PCDHA4: variants seen among roughly 807,000 people sequenced by gnomAD.
The protein encoded by PCDHA4 is protocadherin alpha-4.
Under a neutral mutation model 61.4 loss-of-function variants are expected in PCDHA4, and 49 were observed. That is an observed-to-expected ratio of 0.80 (90% CI 0.63 to 1.01). The LOEUF is 1.01. PCDHA4 is among the 50% of genes least tolerant of loss of function. PCDHA4 has a pLI of 0.00. For synonymous variants in PCDHA4, 590 were observed against 550.3 expected (o/e 1.07, Z -1.01); for missense variants, 1,254 against 1,235.8 (o/e 1.01, Z -0.22).
intron 1 of PCDHA4, chr5:140,875,549 T>G: frequency 1.2e-6 from 2 of 1,613,916 alleles, no homozygotes; most frequent in Non-Finnish European, 1.7e-6. Flanking sequence ...GCCTGGGAGG[T>G]GGGGAGCGGC....
intron 1 of PCDHA4, chr5:140,812,676 C>G (rs782182671): frequency 6.6e-6 from 1 of 152,162 alleles, no homozygotes; most frequent in Non-Finnish European, 1.5e-5. Context: ...TACAGAGGCA[C>G]GATCATAGCT....
chr5:140,933,494 T>C (rs901456699), intron 1 of PCDHA4, among the ~76,000 whole-genome samples: 3 of 152,110 alleles, frequency 2.0e-5, no homozygotes, highest in Non-Finnish European at 4.4e-5. Context: ...TTCTTTAGAA[T>C]TGTTAAGCAA....
intron 3 of PCDHA4, among the ~76,000 whole-genome samples, chr5:141,000,900 G>A (rs1020896392): frequency 6.6e-6 from 1 of 151,614 alleles, no homozygotes; most frequent in African/African-American, 2.4e-5. Flanking sequence ...AGATATAGAC[G>A]CTGTCTCTAA....
At chr5:140,882,424 G>C in intron 1 of PCDHA4, 1 of 1,614,114 alleles carries the variant, frequency 6.2e-7, no homozygotes, top group Non-Finnish European at 8.5e-7. Context: ...CTCAGGACCT[G>C]GGGCTGGAGC....
At chr5:140,884,357 A>G (rs1562803365) in intron 1 of PCDHA4, 1 of 1,613,864 alleles carries the variant, frequency 6.2e-7, no homozygotes, top group Non-Finnish European at 8.5e-7. Flanking sequence ...GGTGGATGTC[A>G]ATGTTTACTT....
At position 140,876,440 on chromosome 5, in the gene PCDHA4, T is replaced by C. The variant is rs369023443; in HGVS notation, c.2385+66868T>C. 23 of 1,613,876 alleles carry C rather than the reference T, an allele frequency of 1.4e-5. No individual in the cohort carries two copies. In the Admixed American group the frequency reaches 1.5e-4, roughly 11 times the overall value. On this transcript the variant is annotated intron_variant, in intron 1 of 3. Transcript: ENST00000530339. ...GCCTATGAAATTCAGGTTAACGCCA[T>C]TGATAAAGGGATTCCTTCCATGGCA...
In PCDHA4 at chr5:140,808,804, T is replaced by G; in HGVS notation, c.1617T>G (p.Asp539Glu). ...TGCAGTTTCAGGTGACCGCTCGCGA[T>G]GCCGGCGTGCCACCTCTGGGCAGCA... ...ELLQFQVTAR[D>E]AGVPPLGSNV... The change falls in exon 1 of 4, where the codon GAT becomes GAG. Residue 539 changes from aspartate to glutamate, a missense_variant. Physicochemically the swap from Asp to Glu is conservative, Grantham distance 45 (BLOSUM62 2). Transcript: ENST00000530339. 1 of 1,612,690 alleles carries G rather than the reference T, an allele frequency of 6.2e-7. No homozygotes were observed. The highest frequency in any genetic ancestry group is 1.3e-5 in the African/African-American group (1 of 75,030).
At chr5:140,898,573 T>C (rs1161265188) in intron 1 of PCDHA4, among the ~76,000 whole-genome samples, 3 of 152,250 alleles carry the variant, frequency 2.0e-5, no homozygotes, top group Non-Finnish European at 4.4e-5. Flanking sequence ...ACCAGTGCCA[T>C]GCTGTTTTGG....
intron 1 of PCDHA4, chr5:140,862,425 A>T: frequency 2.8e-6 from 1 of 353,460 alleles, no homozygotes; most frequent in Non-Finnish European, 5.6e-6. Context: ...GCTGCCCAGA[A>T]ACTATTCGTT....
intron 1 of PCDHA4, chr5:140,836,956 T>C (rs1363599144): frequency 2.4e-6 from 1 of 416,414 alleles, no homozygotes; most frequent in Non-Finnish European, 4.2e-6. Flanking sequence ...CTATGGTTTA[T>C]GTTGGCTACT....
rs782027925 is a variant in PCDHA4, at chr5:140,877,333, C to G, written c.2385+67761C>G. The G allele has an allele frequency of 2.5e-6, 4 of 1,613,992 alleles. No individual in the cohort carries two copies. The South Asian group carries it at 3.3e-5, about 13-fold the overall frequency. Reference sequence around the variant, plus strand: ...ACCGGCGGCGGTCGGCGCGCACATCCCGTTCCACGTGGGGCTGTACACTGG... The same window carrying G: ...ACCGGCGGCGGTCGGCGCGCACATCGCGTTCCACGTGGGGCTGTACACTGG... On this transcript the variant is annotated intron_variant, in intron 1 of 3. Transcript: ENST00000530339.
chr5:140,869,279 T>C, intron 1 of PCDHA4: 1 of 1,613,596 alleles, frequency 6.2e-7, no homozygotes, highest in Non-Finnish European at 8.5e-7. Context: ...CTGGCGGAGC[T>C]GGTGCAGCGC....
chr5:140,845,256 T>A (rs1349718505), intron 1 of PCDHA4, among the ~76,000 whole-genome samples: 1 of 149,608 alleles, frequency 6.7e-6, no homozygotes, highest in Admixed American at 6.7e-5. Flanking sequence ...GAATAATATG[T>A]GTTTTCCTTT....
chr5:140,864,342 C>A (rs1374000781), intron 1 of PCDHA4: 2 of 152,062 alleles, frequency 1.3e-5, no homozygotes, highest in African/African-American at 4.8e-5. Context: ...GAGTTTAAAA[C>A]ATGTTTAAAT....
intron 1 of PCDHA4, chr5:140,870,040 A>C: frequency 6.2e-7 from 1 of 1,613,768 alleles, no homozygotes; most frequent in Non-Finnish European, 8.5e-7. Context: ...TGAAGAAAAC[A>C]AGTTTTATAA....
chr5:140,842,051 C>T (rs2150328197), intron 1 of PCDHA4: 3 of 1,613,736 alleles, frequency 1.9e-6, no homozygotes, highest in Non-Finnish European at 2.5e-6. Flanking sequence ...CACTTTCGAA[C>T]AGTCTGAATA....
intron 1 of PCDHA4, among the ~76,000 whole-genome samples, chr5:140,818,311 T>C (rs1766329673): frequency 6.6e-6 from 1 of 152,236 alleles, no homozygotes; most frequent in Non-Finnish European, 1.5e-5. Context: ...ATCTTTTACT[T>C]TAGGAATTTT....
intron 1 of PCDHA4, chr5:140,926,866 G>C: frequency 6.6e-7 from 1 of 1,524,204 alleles, no homozygotes; most frequent in Non-Finnish European, 8.8e-7. Flanking sequence ...GTAGCGTGTT[G>C]GTGGAACGTG....
At position 140,850,415 on chromosome 5, in the gene PCDHA4, G is replaced by A. The variant is rs2150483298; in HGVS notation, c.2385+40843G>A. On this transcript the variant is annotated intron_variant, in intron 1 of 3. Transcript: ENST00000530339. The stretch of plus-strand genomic sequence containing the variant: ...GCACAACGCGTGCCCTGGACGAAAC[G>A]GACGCACCGCGCCAGCGCCTACTGG... 3.1e-6 allele frequency: 5 copies of A among 1,597,962 alleles called. 1 individual carries two copies. The highest frequency in any genetic ancestry group is 4.3e-6 in the Non-Finnish European group (5 of 1,167,734).
Sources: allele counts gnomAD v4.1 joint callset (sites outside exome capture counted in the v4.1 genomes callset), GRCh38; gene constraint gnomAD v4.1.1; transcripts MANE v1.5; gene names NCBI Gene and HGNC (gene_info 2026-07-23, HGNC 2026-07-21).